RIC1: variants seen among roughly 807,000 people sequenced by gnomAD.
RIC1 encodes the protein guanine nucleotide exchange factor subunit RIC1.
In RIC1, 88 loss-of-function variants were observed where a neutral mutation model predicts 169.0. The observed-to-expected ratio is 0.52, with a 90% CI of 0.44 to 0.62. The LOEUF (loss-of-function observed/expected upper bound fraction) is 0.62, where lower values mean the gene tolerates loss of function less well. Among genes scored for constraint, RIC1 ranks in the 20% least tolerant of loss-of-function variants. RIC1 has a pLI of 0.00. For missense variants in RIC1, 1,877 were observed against 1,725.5 expected, an observed-to-expected ratio of 1.09 and a Z score of -1.56; for synonymous variants, 790 against 601.5, an observed-to-expected ratio of 1.31 and a Z score of -4.59.
intron 19 of RIC1, among the ~76,000 whole-genome samples, chr9:5,764,630 G>A (rs553358152): frequency 7.2e-5 from 11 of 152,292 alleles, no homozygotes; most frequent in Non-Finnish European, 1.6e-4. Flanking sequence ...TCATGACAAT[G>A]AACTGAAACC....
chr9:5,747,222 G>A, intron 11 of RIC1, 80 bp from the exon 12 acceptor site: 1 of 1,047,448 alleles, frequency 9.5e-7, no homozygotes, highest in Non-Finnish European at 1.5e-6. Flanking sequence ...AAATCGATGT[G>A]TTATTTTTGC....
intron 2 of RIC1, among the ~76,000 whole-genome samples, chr9:5,664,059 A>G (rs1310262625): frequency 1.3e-5 from 2 of 152,100 alleles, no homozygotes; most frequent in Non-Finnish European, 2.9e-5. Context: ...TCCTTTGCTT[A>G]TAAAGCTTAG....
At chr9:5,755,905 AGAGT>A (rs1204652245) in intron 15 of RIC1, among the ~76,000 whole-genome samples, 1 of 151,270 alleles carries the variant, frequency 6.6e-6, no homozygotes, top group African/African-American at 2.4e-5. Flanking sequence ...CCTGGGCAAC[AGAGT>A]GAGACCCCGT....
chr9:5,763,137 C>T lies in RIC1; in HGVS notation c.2113-3C>T, dbSNP rs533849841. Reference sequence around the variant, plus strand: ...AACTTGATTCTTGTCTCTCCTTCTCCAGCTGCCATTCTGTCCTCCTGTTGT... The same window carrying T: ...AACTTGATTCTTGTCTCTCCTTCTCTAGCTGCCATTCTGTCCTCCTGTTGT... On this transcript the variant is annotated splice_region_variant and splice_polypyrimidine_tract_variant and intron_variant, in intron 18 of 25. Transcript: ENST00000414202. This position sits in a 1 kb window ranked among gnomAD's most constrained non-coding sequence, Gnocchi z 5.2. 9 of 1,610,684 alleles carry T rather than the reference C, an allele frequency of 5.6e-6. No homozygotes were observed. The African/African-American group carries it at 1.1e-4, about 19-fold the overall frequency.
At chr9:5,638,355 C>G (rs80037320) in intron 1 of RIC1, among the ~76,000 whole-genome samples, 11 of 152,084 alleles carry the variant, frequency 7.2e-5, no homozygotes, top group African/African-American at 2.7e-4. Flanking sequence ...TAATCCTGGC[C>G]TCATAGAATG....
At chr9:5,685,870 C>G (rs1384105133) in intron 2 of RIC1, among the ~76,000 whole-genome samples, 2 of 139,168 alleles carry the variant, frequency 1.4e-5, no homozygotes, top group East Asian at 4.9e-4. Context: ...TTTTTGCAAC[C>G]TACTCATCTG....
intron 3 of RIC1, among the ~76,000 whole-genome samples, chr9:5,702,808 A>C (rs982645006): frequency 2.0e-5 from 3 of 152,116 alleles, no homozygotes; most frequent in African/African-American, 7.2e-5. Flanking sequence ...TGGCCTCCCA[A>C]AGTGCTAGGA....
At chr9:5,739,995 T>C (rs1467010287) in intron 8 of RIC1, among the ~76,000 whole-genome samples, 2 of 152,196 alleles carry the variant, frequency 1.3e-5, no homozygotes, top group Non-Finnish European at 1.5e-5. Context: ...TCTTTCTCTA[T>C]AGGAGATAAG....
chr9:5,664,227 G>A (rs1235719808), intron 2 of RIC1, among the ~76,000 whole-genome samples: 3 of 152,018 alleles, frequency 2.0e-5, no homozygotes, highest in African/African-American at 7.2e-5. Flanking sequence ...GGCCAACATT[G>A]TGAAAAACCC....
chr9:5,681,128 T>G (rs534948986), intron 2 of RIC1, among the ~76,000 whole-genome samples: 8 of 152,008 alleles, frequency 5.3e-5, no homozygotes, highest in African/African-American at 1.9e-4. Context: ...GCCCGGCCGA[T>G]TTTTTTTAAG....
Position 5,754,855 on chromosome 9 carries a change from C to G in RIC1, c.1617C>G (p.Ile539Met). The G allele has an allele frequency of 1.3e-6, 2 of 1,564,046 alleles. No homozygotes were observed. Among genetic ancestry groups the G allele is most frequent in the Non-Finnish European group, 1.7e-6 (2 of 1,147,800 alleles). ...FGNITQEQNM[I>M]VTGGLAWWND... ...TTTATTTTAAGGAGCAAAATATGATCGTGACAGGTGGCTTAGCCTGGTGGA... is the reference window on the plus strand; with the variant it reads ...TTTATTTTAAGGAGCAAAATATGATGGTGACAGGTGGCTTAGCCTGGTGGA... The change falls in exon 15 of 26, where the codon ATC becomes ATG. Residue 539 changes from isoleucine to methionine, a missense_variant. This residue lies in a region of RIC1 where 1,104 missense variants were observed against 992.0 expected (regional missense o/e 1.11). Coordinates refer to ENST00000414202, the MANE Select transcript of RIC1 (RefSeq NM_020829.4).
chr9:5,649,050 A>G (rs958348448), intron 1 of RIC1, among the ~76,000 whole-genome samples: 1 of 152,166 alleles, frequency 6.6e-6, no homozygotes, highest in African/African-American at 2.4e-5. Flanking sequence ...TGGGAGAATC[A>G]TTTGAGCCAG....
intron 2 of RIC1, among the ~76,000 whole-genome samples, chr9:5,685,236 A>C (rs1175926541): frequency 6.7e-6 from 1 of 149,556 alleles, no homozygotes; most frequent in Non-Finnish European, 1.5e-5. Flanking sequence ...CATCCCCATC[A>C]AGCTACCAAT....
At chr9:5,702,712 TTG>T (rs1314386528) in intron 3 of RIC1, among the ~76,000 whole-genome samples, 1 of 152,030 alleles carries the variant, frequency 6.6e-6, no homozygotes, top group Non-Finnish European at 1.5e-5. Flanking sequence ...CTAATTTTTT[TTG>T]TGTGTGTATT....
chr9:5,730,231 G>A (rs1465543496), intron 6 of RIC1, among the ~76,000 whole-genome samples: 1 of 152,162 alleles, frequency 6.6e-6, no homozygotes, highest in African/African-American at 2.4e-5. Context: ...TATTAGGACA[G>A]AACCTCCTGA....
At chr9:5,634,073 A>C (rs1039351340) in intron 1 of RIC1, among the ~76,000 whole-genome samples, 6 of 152,168 alleles carry the variant, frequency 3.9e-5, no homozygotes, top group Non-Finnish European at 8.8e-5. Context: ...TGTTTTTTAA[A>C]GGCTGAATAA....
In RIC1 at chr9:5,772,626, G is replaced by A; in HGVS notation, c.3679G>A (p.Asp1227Asn). 2.5e-6 allele frequency: 4 copies of A among 1,613,912 alleles called. No homozygotes were observed. Among genetic ancestry groups the A allele is most frequent in the African/African-American group, 2.7e-5 (2 of 75,036 alleles). ...TGAAAGTAGCTCCATGGTGGATGGC[G>A]ACTGGACAATGGTGGATGAAAATTT... ...LTESSSMVDGDWTMVDENFST... is the reference protein window; with the variant it reads ...LTESSSMVDGNWTMVDENFST... Residue 1227 changes from aspartate to asparagine, a missense_variant, in exon 24 of 26, where the codon GAC becomes AAC. By Grantham distance (23) the Asp-to-Asn change is conservative. Transcript: ENST00000414202.
At chr9:5,754,071 A>G (rs533414813) in intron 14 of RIC1, among the ~76,000 whole-genome samples, 1 of 152,242 alleles carries the variant, frequency 6.6e-6, no homozygotes, top group South Asian at 2.1e-4. Context: ...CAGTTGGAAG[A>G]GAAGGAAATC....
chr9:5,634,150 G>T (rs904477826), intron 1 of RIC1, among the ~76,000 whole-genome samples: 2 of 152,136 alleles, frequency 1.3e-5, no homozygotes, highest in African/African-American at 2.4e-5. Context: ...AGACACTTAG[G>T]TTGTTTCTGT....
Sources: allele counts gnomAD v4.1 joint callset (sites outside exome capture counted in the v4.1 genomes callset), GRCh38; gene constraint gnomAD v4.1.1; regional missense constraint gnomAD v4.1.1; non-coding constraint Gnocchi (gnomAD v3.1); transcripts MANE v1.5; gene names NCBI Gene and HGNC (gene_info 2026-07-23, HGNC 2026-07-21).